Variants in SRRM4 observed in about 807,000 individuals in gnomAD.
SRRM4 encodes serine/arginine repetitive matrix 4.
In SRRM4, 33 loss-of-function variants were observed where a neutral mutation model predicts 68.9. That is an observed-to-expected ratio of 0.48 (90% CI 0.36 to 0.64). The LOEUF (loss-of-function observed/expected upper bound fraction) is 0.64, where lower values mean the gene tolerates loss of function less well. SRRM4 is among the 30% of genes least tolerant of loss of function. The pLI, the probability that SRRM4 is intolerant of heterozygous loss-of-function variation, is 0.00. For missense variants in SRRM4, 817 were observed against 827.1 expected (o/e 0.99, Z 0.15); for synonymous variants, 318 against 318.8 (o/e 1.00, Z 0.03).
chr12:119,135,118 T>G lies in SRRM4; in HGVS notation c.771+4284T>G, dbSNP rs200390868. 5.9e-5 allele frequency among the ~76,000 whole-genome samples: 9 copies of G among 152,286 alleles called. No homozygotes were observed. The East Asian group carries it at 1.2e-3, about 20-fold the overall frequency. Reference sequence around the variant, plus strand: ...AAATTGGGAGAAAGGGGAACTGTTATGAGTTGTGGTTTGTGCCTTGAAAGC... The same window carrying G: ...AAATTGGGAGAAAGGGGAACTGTTAGGAGTTGTGGTTTGTGCCTTGAAAGC... On this transcript the variant is annotated intron_variant, in intron 8 of 12. Coordinates refer to ENST00000267260, the MANE Select transcript of SRRM4 (RefSeq NM_194286.4).
intron 1 of SRRM4, among the ~76,000 whole-genome samples, chr12:119,029,075 A>G (rs1953569366): frequency 6.6e-6 from 1 of 152,198 alleles, no homozygotes; most frequent in South Asian, 2.1e-4. Context: ...TGTGCCCCAT[A>G]TGCAAAGGTG....
At chr12:119,071,298 G>A (rs938836493) in intron 1 of SRRM4, among the ~76,000 whole-genome samples, 6 of 152,212 alleles carry the variant, frequency 3.9e-5, no homozygotes, top group African/African-American at 1.4e-4. Context: ...TGGGAGCACA[G>A]ATTTTCGTGT....
At chr12:119,098,958 G>C (rs1179802884) in intron 1 of SRRM4, among the ~76,000 whole-genome samples, 2 of 151,998 alleles carry the variant, frequency 1.3e-5, no homozygotes, top group African/African-American at 4.8e-5. Context: ...CTTCAGCCTT[G>C]TGTCCCTCAA....
At chr12:119,034,758 A>G (rs1422045481) in intron 1 of SRRM4, among the ~76,000 whole-genome samples, 2 of 152,100 alleles carry the variant, frequency 1.3e-5, no homozygotes, top group East Asian at 3.9e-4. Flanking sequence ...CTTGCCTTGA[A>G]TTATTTGCTT....
chr12:119,125,321 C>A, intron 6 of SRRM4, 60 bp from the exon 7 acceptor site: 1 of 1,471,582 alleles, frequency 6.8e-7, no homozygotes, highest in Non-Finnish European at 9.4e-7. Context: ...AAATCTCTCA[C>A]TCTCCCTTTT....
chr12:119,062,190 C>A (rs929451488), intron 1 of SRRM4, among the ~76,000 whole-genome samples: 1 of 152,136 alleles, frequency 6.6e-6, no homozygotes, highest in Non-Finnish European at 1.5e-5. Flanking sequence ...AGAAAAGGTA[C>A]ATTAAAATAC....
chr12:119,093,491 T>C lies in SRRM4; in HGVS notation c.132-8745T>C, dbSNP rs188918882. Reference sequence around the variant, plus strand: ...GTCTTTCTTCTAATAGTGGCTGTGATGGTCCCCAAAAGGGACTCACTTGTC... The same window carrying C: ...GTCTTTCTTCTAATAGTGGCTGTGACGGTCCCCAAAAGGGACTCACTTGTC... On this transcript the variant is annotated intron_variant, in intron 1 of 12. Coordinates refer to ENST00000267260, the MANE Select transcript of SRRM4 (RefSeq NM_194286.4). 4.6e-3 allele frequency among the ~76,000 whole-genome samples: 702 copies of C among 152,300 alleles called. 2 individuals carry two copies. Among genetic ancestry groups the C allele is most frequent in the Non-Finnish European group, 8.6e-3 (582 of 68,022 alleles).
intron 1 of SRRM4, among the ~76,000 whole-genome samples, chr12:119,041,250 C>A (rs1953667084): frequency 6.6e-6 from 1 of 152,128 alleles, no homozygotes; most frequent in Admixed American, 6.6e-5. Context: ...GATTAAAATC[C>A]AGTTGCACGT....
In SRRM4 at chr12:119,002,897, G is replaced by A. The variant is rs11069227; in HGVS notation, c.131+20884G>A. Among the ~76,000 whole-genome samples, 22 of 150,436 alleles carry A rather than the reference G, an allele frequency of 1.5e-4. 2 individuals carry two copies. The East Asian group carries it at 4.1e-3, about 28-fold the overall frequency. ...GCATCTATTAGGCGTCTACACCAAG[G>A]CCAGTGTTTACACCATGCTGCTGAA... On this transcript the variant is annotated intron_variant, in intron 1 of 12. Coordinates refer to ENST00000267260, the MANE Select transcript of SRRM4 (RefSeq NM_194286.4).
chr12:119,070,863 T>C lies in SRRM4; in HGVS notation c.132-31373T>C, dbSNP rs868351563. ...ACAGCAGACTTCATGGTGAGGGTCC[T>C]AGGACTTGTCCTCACTGGCCTGATT... On this transcript the variant is annotated intron_variant, in intron 1 of 12. Transcript: ENST00000267260. 2.0e-5 allele frequency among the ~76,000 whole-genome samples: 3 copies of C among 152,328 alleles called. No homozygotes were observed. The South Asian group carries it at 6.2e-4, about 32-fold the overall frequency.
At chr12:119,128,895 T>A (rs1021394141) in intron 7 of SRRM4, among the ~76,000 whole-genome samples, 4 of 152,208 alleles carry the variant, frequency 2.6e-5, no homozygotes, top group Non-Finnish European at 5.9e-5. Context: ...CTCCTCCTGA[T>A]GGTGTTGGCA....
At chr12:119,057,227 C>A (rs140374705) in intron 1 of SRRM4, among the ~76,000 whole-genome samples, 1 of 152,046 alleles carries the variant, frequency 6.6e-6, no homozygotes, top group Non-Finnish European at 1.5e-5. Flanking sequence ...GTGCAGGATG[C>A]GCAGGTTTGT....
At position 119,102,244 on chromosome 12, in the gene SRRM4, C is replaced by T. The variant is rs182742763; in HGVS notation, c.140C>T (p.Pro47Leu). The T allele has an allele frequency of 3.5e-3, 5,582 of 1,612,528 alleles. 17 individuals are homozygous for T. Among genetic ancestry groups the T allele is most frequent in the Non-Finnish European group, 4.3e-3 (5,048 of 1,179,202 alleles). ...TATTTCTTCTTCTGTAGGACAGAGC[C>T]CCAGAATAACCCCGTTGTCCCAGCT... Reference protein sequence around the residue: ...TARKPLPRTEPQNNPVVPAQD... With the variant: ...TARKPLPRTELQNNPVVPAQD... Residue 47 changes from proline (P) to leucine (L), a missense_variant, in exon 2 of 13, where the codon CCC becomes CTC. Transcript: ENST00000267260.
At chr12:119,099,920 T>C (rs978557316) in intron 1 of SRRM4, among the ~76,000 whole-genome samples, 1 of 152,210 alleles carries the variant, frequency 6.6e-6, no homozygotes, top group African/African-American at 2.4e-5. Context: ...ACATTATTAC[T>C]TCTACTACAT....
At chr12:119,047,308 C>T (rs1181692765) in intron 1 of SRRM4, among the ~76,000 whole-genome samples, 1 of 152,110 alleles carries the variant, frequency 6.6e-6, no homozygotes, top group East Asian at 1.9e-4. Flanking sequence ...AAAGATTAAT[C>T]ATTTCTTTTA....
chr12:118,986,993 T>C (rs1428216155), intron 1 of SRRM4, among the ~76,000 whole-genome samples: 2 of 152,138 alleles, frequency 1.3e-5, no homozygotes, highest in Non-Finnish European at 2.9e-5. Context: ...TTAGCAAAAC[T>C]AGAGCTCTTT....
At chr12:119,097,884 A>G (rs1954055036) in intron 1 of SRRM4, among the ~76,000 whole-genome samples, 1 of 152,148 alleles carries the variant, frequency 6.6e-6, no homozygotes, top group Admixed American at 6.5e-5. Context: ...CAGCACACTC[A>G]CCATGTGTTT....
chr12:119,074,179 C>T (rs1042616802), intron 1 of SRRM4, among the ~76,000 whole-genome samples: 6 of 135,222 alleles, frequency 4.4e-5, no homozygotes, highest in Non-Finnish European at 9.4e-5. Flanking sequence ...TGAATGCTTG[C>T]CAATGGACTT....
At chr12:119,057,719 G>A (rs1953785964) in intron 1 of SRRM4, among the ~76,000 whole-genome samples, 1 of 152,250 alleles carries the variant, frequency 6.6e-6, no homozygotes, top group East Asian at 1.9e-4. Context: ...CCAGTAATAG[G>A]ATTGCTAGGC....
Sources: gnomAD v4.1 joint callset for allele counts (sites outside exome capture counted in the v4.1 genomes callset) on GRCh38, gnomAD v4.1.1 for gene constraint, MANE v1.5 for transcripts, NCBI Gene and HGNC (gene_info 2026-07-23, HGNC 2026-07-21) for gene names.